The following TPD52L2 variants were observed in gnomAD, a reference collection of about 807,000 sequenced individuals.
The protein encoded by TPD52L2 is TPD52 like 2.
In TPD52L2, 19 loss-of-function variants were observed where a neutral mutation model predicts 24.7. That is an observed-to-expected ratio of 0.77 (90% CI 0.54 to 1.13). The LOEUF is 1.13. TPD52L2 is among the 50% of genes most tolerant of loss of function. The pLI is 0.00. For synonymous variants in TPD52L2, 104 were observed against 100.2 expected, an observed-to-expected ratio of 1.04 and a Z score of -0.23; for missense variants, 236 against 250.4, an observed-to-expected ratio of 0.94 and a Z score of 0.39.
intron 4 of TPD52L2, among the ~76,000 whole-genome samples, chr20:63,881,430 C>T (rs777692556): frequency 5.9e-5 from 9 of 151,796 alleles, no homozygotes; most frequent in African/African-American, 1.5e-4. Flanking sequence ...GAGAGAGCTG[C>T]GCTGGGATGC....
At chr20:63,886,172 C>T (rs1184682364) in intron 5 of TPD52L2, 2 of 881,294 alleles carry the variant, frequency 2.3e-6, no homozygotes, top group Non-Finnish European at 1.9e-6. Context: ...TCCAGGACAG[C>T]AGTGCCAGCC....
chr20:63,875,954 C>A, intron 4 of TPD52L2, 79 bp downstream of exon 4: 1 of 1,394,646 alleles, frequency 7.2e-7, no homozygotes, highest in Non-Finnish European at 1.0e-6. Flanking sequence ...GGGCTGTGCA[C>A]ACTTGGCACA....
At position 63,877,978 on chromosome 20, in the gene TPD52L2, G is replaced by A. The variant is rs1022297484; in HGVS notation, c.374+2103G>A. ...TGCCGGGACGGCCGAGGCCGAGGGC[G>A]GTGGTTTCTGCCGGGACGGCCCAGA... On this transcript the variant is annotated intron_variant, in intron 4 of 6. Transcript: ENST00000346249. This position sits in a 1 kb window ranked among gnomAD's most constrained non-coding sequence, Gnocchi z 4.1. Among the ~76,000 whole-genome samples the A allele has an allele frequency of 6.6e-5, 10 of 152,268 alleles. No individual in the cohort carries two copies. The highest frequency in any genetic ancestry group is 3.9e-4 in the Admixed American group (6 of 15,290).
intron 3 of TPD52L2, among the ~76,000 whole-genome samples, chr20:63,874,956 A>T (rs2052611475): frequency 6.6e-6 from 1 of 151,994 alleles, no homozygotes; most frequent in Non-Finnish European, 1.5e-5. Flanking sequence ...CCTGACCAAC[A>T]TGGAGAAACC....
intron 5 of TPD52L2, among the ~76,000 whole-genome samples, chr20:63,886,676 C>T (rs775600018): frequency 4.1e-5 from 6 of 145,154 alleles, no homozygotes; most frequent in Admixed American, 2.8e-4. Context: ...GTTGGAGTCT[C>T]GCTCTATCAC....
chr20:63,885,983 C>G, intron 5 of TPD52L2: 2 of 1,613,646 alleles, frequency 1.2e-6, no homozygotes, highest in Non-Finnish European at 1.7e-6. Flanking sequence ...GCTTACACTT[C>G]GTTTCCTCTT....
In TPD52L2 at chr20:63,866,837, T is replaced by C. The variant is rs546744014; in HGVS notation, c.19+1453T>C. Among the ~76,000 whole-genome samples the C allele has an allele frequency of 2.0e-5, 3 of 148,274 alleles. No homozygotes were observed. The East Asian group carries it at 6.1e-4, about 30-fold the overall frequency. ...CCCAGGCTGGAGTGCAGTGGTGCAA[T>C]CATAGCTTACTGCAATCTTCAACTC... On this transcript the variant is annotated intron_variant, in intron 1 of 6. Transcript: ENST00000346249.
intron 4 of TPD52L2, among the ~76,000 whole-genome samples, chr20:63,882,400 T>TG (rs1318590967): frequency 1.3e-5 from 2 of 152,060 alleles, no homozygotes; most frequent in African/African-American, 4.8e-5. Context: ...GCGAGCTTAG[T>TG]GGGTATCAGG....
chr20:63,883,297 G>A (rs1453389019), intron 5 of TPD52L2, among the ~76,000 whole-genome samples: 1 of 152,212 alleles, frequency 6.6e-6, no homozygotes, highest in African/African-American at 2.4e-5. Context: ...AGAGGCTGGT[G>A]AAAGCCTCCT....
chr20:63,886,680 C>G (rs1422554238), intron 5 of TPD52L2, among the ~76,000 whole-genome samples: 1 of 146,182 alleles, frequency 6.8e-6, no homozygotes, highest in East Asian at 2.1e-4. Flanking sequence ...GAGTCTCGCT[C>G]TATCACCAGG....
chr20:63,886,515 C>T (rs1263748947), intron 5 of TPD52L2, among the ~76,000 whole-genome samples: 5 of 152,134 alleles, frequency 3.3e-5, no homozygotes, highest in Non-Finnish European at 7.4e-5. Flanking sequence ...GCGCCCGCCG[C>T]CACGCCCGGC....
intron 3 of TPD52L2, 97 bp downstream of exon 3, chr20:63,873,913 G>C: frequency 7.4e-7 from 1 of 1,357,186 alleles, no homozygotes; most frequent in South Asian, 1.7e-5. Flanking sequence ...CCAGGGACGA[G>C]TTGCAGCCGT....
In TPD52L2 at chr20:63,873,755, A is replaced by C. The variant is rs2052554847; in HGVS notation, c.253A>C (p.Thr85Pro). 5.0e-6 allele frequency: 8 copies of C among 1,602,124 alleles called. No individual in the cohort carries two copies. The highest frequency in any genetic ancestry group is 6.8e-6 in the Non-Finnish European group (8 of 1,175,208). The change falls in exon 3 of 7, where the codon ACC (threonine) becomes CCC (proline). Residue 85 changes from threonine to proline, a missense_variant. By Grantham distance (38) the Thr-to-Pro change is conservative (BLOSUM62 -1). Transcript: ENST00000346249. ...GELKRRLGLS[T>P]LGELKQNLSR... ...GCTCAAGAGGAGGCTGGGCCTCTCC[A>C]CCCTGGGGGAGCTGAAACAGAACCT...
At chr20:63,886,962 G>A (rs755406914) in intron 5 of TPD52L2, 5 of 161,432 alleles carry the variant, frequency 3.1e-5, no homozygotes, top group South Asian at 3.3e-4. Flanking sequence ...GCCTTTTCAC[G>A]TGGGAGGGCT....
intron 3 of TPD52L2, among the ~76,000 whole-genome samples, chr20:63,874,228 T>TTG (rs547406712): frequency 0.12 from 16,655 of 139,802 alleles, 1,345 homozygotes; most frequent in East Asian, 0.43. Context: ...ATTTTTTTTT[T>TTG]TGTGTGTGTG....
chr20:63,884,651 G>A (rs1403819240), intron 5 of TPD52L2, among the ~76,000 whole-genome samples: 2 of 152,246 alleles, frequency 1.3e-5, no homozygotes, highest in Non-Finnish European at 2.9e-5. Context: ...CAGTCCTGGG[G>A]TTGGCAGCTG....
chr20:63,879,287 G>T (rs1237123553), intron 4 of TPD52L2, among the ~76,000 whole-genome samples: 3 of 152,172 alleles, frequency 2.0e-5, no homozygotes, highest in Non-Finnish European at 4.4e-5. Context: ...GAGGGCTGTG[G>T]GGCCCCCAGG....
chr20:63,876,899 C>T (rs557252926), intron 4 of TPD52L2: 31 of 449,622 alleles, frequency 6.9e-5, no homozygotes, highest in East Asian at 4.3e-4. Context: ...GGGCGGTTCA[C>T]GGCATGTTGC....
rs777974009 is a variant in TPD52L2 at position 63,877,258 on chromosome 20, C to G, written c.374+1383C>G. ...GCCAGGATGGTCTCAATCTCCTGAC[C>G]TCGTGATCCGCCTGCCTCAGCCTCC... On this transcript the variant is annotated intron_variant, in intron 4 of 6. Coordinates refer to ENST00000346249, the MANE Select transcript of TPD52L2 (RefSeq NM_003288.4). This position sits in a 1 kb window ranked among gnomAD's most constrained non-coding sequence, Gnocchi z 4.1. 49 of 320,480 alleles carry G rather than the reference C, an allele frequency of 1.5e-4. No individual in the cohort carries two copies. The highest frequency in any genetic ancestry group is 2.6e-4 in the Non-Finnish European group (43 of 164,924). 19.9% of individuals were successfully genotyped at this position (320,480 alleles called of 1,614,324 possible).
Sources: allele counts gnomAD v4.1 joint callset (sites outside exome capture counted in the v4.1 genomes callset), GRCh38; gene constraint gnomAD v4.1.1; non-coding constraint Gnocchi (gnomAD v3.1); transcripts MANE v1.5; gene names NCBI Gene and HGNC (gene_info 2026-07-23, HGNC 2026-07-21).